The following SCARA3 variants were observed in gnomAD, a reference collection of about 807,000 sequenced individuals.
The protein encoded by SCARA3 is scavenger receptor class A member 3, also known as cellular stress response gene protein.
Under a neutral mutation model 47.0 loss-of-function variants are expected in SCARA3, and 39 were observed. The ratio of observed to expected loss-of-function variants is 0.83; its 90% confidence interval spans 0.64 to 1.08. SCARA3 has a LOEUF of 1.08. Among genes scored for constraint, SCARA3 ranks in the 50% least tolerant of loss-of-function variants. The probability of loss-of-function intolerance (pLI) is 0.00; values close to 1 mark genes in which losing one functional copy is unlikely to be tolerated. For synonymous variants in SCARA3, 356 were observed against 334.1 expected, an observed-to-expected ratio of 1.07 and a Z score of -0.71; for missense variants, 724 against 792.3, an observed-to-expected ratio of 0.91 and a Z score of 1.04.
the SCARA3 span, among the ~76,000 whole-genome samples, chr8:27,727,104 C>T: frequency 2.6e-4 from 40 of 152,112 alleles, no homozygotes; most frequent in African/African-American, 9.2e-4. Flanking sequence ...ATGAAATGGG[C>T]CCTCCCTATG....
Position 27,671,252 on chromosome 8 carries a change from C to T in SCARA3, c.1722C>T (p.Gly574=). 1.3e-6 allele frequency: 2 copies of T among 1,489,948 alleles called. No individual in the cohort carries two copies. The highest frequency in any genetic ancestry group is 1.8e-6 in the Non-Finnish European group (2 of 1,124,344). 92.3% of individuals were successfully genotyped at this position (1,489,948 alleles called of 1,614,324 possible). A position where few individuals can be genotyped will look rare whatever the true frequency, so the allele number is the denominator to read the frequency against. The change falls in exon 6 of 6, where the codon GGC becomes GGT. Residue 574 remains glycine, a synonymous_variant. Coordinates refer to ENST00000301904, the MANE Select transcript of SCARA3 (RefSeq NM_016240.3). ...PGIAGKTGSP[G]QRGAMGPKGE... ...TTGCAGGGAAGACAGGGTCACCAGGCCAGCGGGGGGCCATGGGGCCTAAGG... is the reference window on the plus strand; with the variant it reads ...TTGCAGGGAAGACAGGGTCACCAGGTCAGCGGGGGGCCATGGGGCCTAAGG...
the SCARA3 span, among the ~76,000 whole-genome samples, chr8:27,711,464 A>G: frequency 3.3e-5 from 5 of 152,318 alleles, no homozygotes; most frequent in African/African-American, 4.8e-5. Flanking sequence ...GTAGTCTTCC[A>G]TAGTTCCCTG....
downstream of SCARA3, among the ~76,000 whole-genome samples, chr8:27,679,404 C>T (rs569129660): frequency 5.7e-4 from 87 of 152,218 alleles, no homozygotes; most frequent in African/African-American, 1.9e-3. Flanking sequence ...GGAAGTGGAT[C>T]AGTGGAATAT....
chr8:27,673,833 G>T (rs1802219742), downstream of SCARA3, among the ~76,000 whole-genome samples: 4 of 152,212 alleles, frequency 2.6e-5, no homozygotes, highest in Admixed American at 2.6e-4. Flanking sequence ...CAGCACACCA[G>T]CCCCTGCATG....
chr8:27,732,237 T>G, the SCARA3 span, among the ~76,000 whole-genome samples: 1 of 151,140 alleles, frequency 6.6e-6, no homozygotes, highest in African/African-American at 2.4e-5. Flanking sequence ...ATTCCTTGTG[T>G]TTTTTTTTCA....
At chr8:27,731,026 G>A in the SCARA3 span, among the ~76,000 whole-genome samples, 1 of 150,818 alleles carries the variant, frequency 6.6e-6, no homozygotes. Context: ...TTAACAGAGG[G>A]CCTGCAGGGA....
the SCARA3 span, among the ~76,000 whole-genome samples, chr8:27,733,060 C>G: frequency 6.6e-6 from 1 of 152,174 alleles, no homozygotes; most frequent in Non-Finnish European, 1.5e-5. Context: ...CTGTAAACTC[C>G]AAGTACTAGT....
chr8:27,730,815 G>A, the SCARA3 span, among the ~76,000 whole-genome samples: 4 of 151,872 alleles, frequency 2.6e-5, no homozygotes, highest in Non-Finnish European at 4.4e-5. Context: ...AAAAGGTAAC[G>A]CTGATTGGCC....
chr8:27,731,950 T>C, the SCARA3 span, among the ~76,000 whole-genome samples: 1 of 152,212 alleles, frequency 6.6e-6, no homozygotes, highest in Non-Finnish European at 1.5e-5. Flanking sequence ...TGACCCTGCA[T>C]TGTGTCTTCA....
downstream of SCARA3, among the ~76,000 whole-genome samples, chr8:27,675,134 T>A (rs1235503245): frequency 1.3e-5 from 2 of 152,162 alleles, no homozygotes. Context: ...CCTTTCACCC[T>A]GGCGACCTCA....
chr8:27,670,428 T>A (rs1563414150), intron 5 of SCARA3, among the ~76,000 whole-genome samples: 2 of 152,212 alleles, frequency 1.3e-5, no homozygotes, highest in Non-Finnish European at 2.9e-5. Context: ...CTCTGGGCTG[T>A]CACTGTGCCC....
chr8:27,697,529 C>G, the SCARA3 span: 1 of 152,294 alleles, frequency 6.6e-6, no homozygotes, highest in Admixed American at 6.5e-5. Flanking sequence ...TCATATCCCA[C>G]TGTGCCCTAC....
chr8:27,642,294 G>A (rs537761499), intron 1 of SCARA3, among the ~76,000 whole-genome samples: 41 of 152,306 alleles, frequency 2.7e-4, no homozygotes, highest in African/African-American at 9.1e-4. Flanking sequence ...AATTGGAATA[G>A]GATAGAAAAA....
At chr8:27,707,147 C>T in the SCARA3 span, among the ~76,000 whole-genome samples, 2 of 152,156 alleles carry the variant, frequency 1.3e-5, no homozygotes, top group African/African-American at 2.4e-5. Context: ...CAGCCCCTTC[C>T]TTTTGTCCTA....
At chr8:27,727,131 C>T in the SCARA3 span, among the ~76,000 whole-genome samples, 3 of 152,098 alleles carry the variant, frequency 2.0e-5, no homozygotes, top group South Asian at 4.1e-4. Flanking sequence ...AGGCTGGTCT[C>T]GAACTCCTGG....
At chr8:27,648,400 G>C (rs577593539) in intron 1 of SCARA3, among the ~76,000 whole-genome samples, 4 of 152,238 alleles carry the variant, frequency 2.6e-5, no homozygotes, top group Admixed American at 6.5e-5. Context: ...GTCAGGAGAT[G>C]GAGACCATCC....
intron 4 of SCARA3, among the ~76,000 whole-genome samples, chr8:27,658,040 A>ATTG (rs1801779893): frequency 6.6e-6 from 1 of 152,204 alleles, no homozygotes; most frequent in African/African-American, 2.4e-5. Flanking sequence ...TGACGCAAAT[A>ATTG]GAAGGTTCTG....
At chr8:27,651,482 CATT>C in intron 2 of SCARA3, 23 bp from the exon 3 acceptor site, 1 of 1,607,678 alleles carries the variant, frequency 6.2e-7, no homozygotes, top group South Asian at 1.1e-5. Context: ...TGGCCTAAGC[CATT>C]GTCCTCCTTG....
intron 1 of SCARA3, among the ~76,000 whole-genome samples, chr8:27,640,794 T>G (rs1421656967): frequency 1.3e-5 from 2 of 151,416 alleles, no homozygotes; most frequent in African/African-American, 4.9e-5. Context: ...CCTCTTAGGC[T>G]CAAGCAATTG....
Sources: allele counts gnomAD v4.1 joint callset (sites outside exome capture counted in the v4.1 genomes callset), GRCh38; gene constraint gnomAD v4.1.1; transcripts MANE v1.5; gene names NCBI Gene and HGNC (gene_info 2026-07-23, HGNC 2026-07-21).